CACNA2D4: variants seen among roughly 807,000 people sequenced by gnomAD.
CACNA2D4 encodes calcium voltage-gated channel auxiliary subunit alpha2delta 4.
CACNA2D4 carries 157 observed loss-of-function variants against 163.8 expected under a neutral mutation model. The ratio of observed to expected loss-of-function variants is 0.96; its 90% CI spans 0.84 to 1.09. The LOEUF (loss-of-function observed/expected upper bound fraction) is 1.09, where lower values mean the gene tolerates loss of function less well. Ranked by LOEUF, CACNA2D4 falls within the 50% of genes least tolerant of loss-of-function variation. The pLI is 0.00. For missense variants in CACNA2D4, 1,410 were observed against 1,479.9 expected (o/e 0.95, Z 0.78); for synonymous variants, 598 against 586.9 (o/e 1.02, Z -0.27).
chr12:1,803,883 C>T (rs1178813115), intron 29 of CACNA2D4, among the ~76,000 whole-genome samples: 5 of 152,160 alleles, frequency 3.3e-5, no homozygotes, highest in South Asian at 2.1e-4. Context: ...GCACCTCCTA[C>T]GGTGGTGGAA....
chr12:1,886,153 G>A (rs1866138075), intron 8 of CACNA2D4, 70 bp downstream of exon 8: 1 of 1,581,274 alleles, frequency 6.3e-7, no homozygotes, highest in Non-Finnish European at 8.7e-7. Flanking sequence ...GGGGTTGTGG[G>A]TCACCTTGGT....
intron 23 of CACNA2D4, among the ~76,000 whole-genome samples, chr12:1,850,161 C>T (rs1007569931): frequency 9.2e-5 from 14 of 152,268 alleles, no homozygotes; most frequent in African/African-American, 2.6e-4. Flanking sequence ...TTCCCCTCGA[C>T]GGGGTTTGAA....
At chr12:1,877,923 C>T (rs1011274117) in intron 16 of CACNA2D4, among the ~76,000 whole-genome samples, 1 of 152,216 alleles carries the variant, frequency 6.6e-6, no homozygotes, top group African/African-American at 2.4e-5. Context: ...CTCAGGAATG[C>T]ATCCTAAGGT....
chr12:1,889,195 T>C (rs1221575627), intron 6 of CACNA2D4, among the ~76,000 whole-genome samples: 1 of 152,248 alleles, frequency 6.6e-6, no homozygotes, highest in Non-Finnish European at 1.5e-5. Flanking sequence ...AAGCAGTTTA[T>C]ACTGAAGTCC....
rs1592705643 is a variant in CACNA2D4 at position 1,844,019 on chromosome 12, T to A, written c.2470+383A>T. Among the ~76,000 whole-genome samples the A allele has an allele frequency of 6.6e-6, 1 of 152,190 alleles. No individual in the cohort carries two copies. The highest frequency in any genetic ancestry group is 2.4e-5 in the African/African-American group (1 of 41,456). ...ACTTAGTGAGTACTGCAGCCCCTAA[T>A]GAAACCACCCGTCTGGGTGGTTTAT... On this transcript the variant is annotated intron_variant, in intron 25 of 37. Transcript: ENST00000382722. The surrounding 1 kb of genome is among the most constrained non-coding windows in gnomAD (Gnocchi z 4.2).
chr12:1,828,247 CG>C lies in CACNA2D4; in HGVS notation c.2551+12491del. The C allele has an allele frequency of 7.6e-7, 1 of 1,315,306 alleles. No individual in the cohort carries two copies. Among genetic ancestry groups the C allele is most frequent in the South Asian group, 1.3e-5 (1 of 76,694 alleles). 81.5% of individuals were successfully genotyped at this position (1,315,306 alleles called of 1,614,324 possible). A position where few individuals can be genotyped will look rare whatever the true frequency, so the allele number is the denominator to read the frequency against. ...ACACCCCTGGCCTCGGAGGGGGGTGCGGGTTGGGTGGGGGTGCCGAGGTGAC... is the reference window on the plus strand; with the variant it reads ...ACACCCCTGGCCTCGGAGGGGGGTGCGGTTGGGTGGGGGTGCCGAGGTGAC... On this transcript the variant is annotated intron_variant, in intron 26 of 37. Transcript: ENST00000382722. This position sits in a 1 kb window ranked among gnomAD's most constrained non-coding sequence, Gnocchi z 4.2.
rs781499293 is a variant in CACNA2D4 at position 1,918,439 on chromosome 12, G to A, written c.35C>T (p.Pro12Leu). The A allele has an allele frequency of 1.3e-6, 2 of 1,583,654 alleles. No individual in the cohort carries two copies. The highest frequency in any genetic ancestry group is 2.3e-5 in the South Asian group (2 of 86,810). ...TGCAGGCATGGTGGGCCTGGGGTTGGGGAGGGGAAGGAGGGCAGAGCAGCC... is the reference window on the plus strand; with the variant it reads ...TGCAGGCATGGTGGGCCTGGGGTTGAGGAGGGGAAGGAGGGCAGAGCAGCC... ...VCGCSALLPLPNPRPTMPATP... is the reference protein window; with the variant it reads ...VCGCSALLPLLNPRPTMPATP... Residue 12 changes from proline to leucine, a missense_variant, in exon 1 of 38, where the codon CCC (proline) becomes CTC (leucine). Physicochemically the swap from Pro to Leu is moderately conservative, Grantham distance 98. Coordinates refer to ENST00000382722, the MANE Select transcript of CACNA2D4 (RefSeq NM_172364.5).
intron 18 of CACNA2D4, among the ~76,000 whole-genome samples, chr12:1,870,659 C>A (rs1333404956): frequency 6.6e-6 from 1 of 151,822 alleles, no homozygotes; most frequent in Non-Finnish European, 1.5e-5. Context: ...TAATTGTTAT[C>A]TGCTGAAGGG....
intron 18 of CACNA2D4, 47 bp from the exon 19 acceptor site, chr12:1,860,253 C>A (rs181069562): frequency 1.3e-6 from 2 of 1,490,264 alleles, no homozygotes; most frequent in East Asian, 2.3e-5. Flanking sequence ...GAAGAGCGGC[C>A]CCCAGCCCCC....
Position 1,834,843 on chromosome 12 carries a change from C to A in CACNA2D4, c.2551+5896G>T, listed in dbSNP as rs528356465. On this transcript the variant is annotated intron_variant, in intron 26 of 37. Coordinates refer to ENST00000382722, the MANE Select transcript of CACNA2D4 (RefSeq NM_172364.5). The surrounding 1 kb of genome is among the most constrained non-coding windows in gnomAD (Gnocchi z 7.6). The stretch of plus-strand genomic sequence containing the variant: ...CCCCGAGTCCACCCTCCTCCCCGCC[C>A]TCCAGCAGACAAGCCACACCGGGTT... 75 of 1,430,702 alleles carry A rather than the reference C, an allele frequency of 5.2e-5. No homozygotes were observed. In the African/African-American group the frequency reaches 1.1e-3, roughly 20 times the overall value. 88.6% of individuals were successfully genotyped at this position (1,430,702 alleles called of 1,614,324 possible). A position where few individuals can be genotyped will look rare whatever the true frequency, so the allele number is the denominator to read the frequency against.
In CACNA2D4 at chr12:1,917,141, C is replaced by A. The variant is rs78625651; in HGVS notation, c.227+1106G>T. ...GCTGACAGGAGTTCAAATCCCAGCA[C>A]CTTCACTTCCTGGCCTTGTGAACTT... On this transcript the variant is annotated intron_variant, in intron 1 of 37. Coordinates refer to ENST00000382722, the MANE Select transcript of CACNA2D4 (RefSeq NM_172364.5). The surrounding 1 kb of genome is among the most constrained non-coding windows in gnomAD (Gnocchi z 4.3). Among the ~76,000 whole-genome samples, 1 of 152,282 alleles carries A rather than the reference C, an allele frequency of 6.6e-6. No homozygotes were observed. Among genetic ancestry groups the A allele is most frequent in the East Asian group, 1.9e-4 (1 of 5,186 alleles).
chr12:1,855,136 A>G (rs2059619715), intron 22 of CACNA2D4, among the ~76,000 whole-genome samples: 1 of 152,164 alleles, frequency 6.6e-6, no homozygotes, highest in Non-Finnish European at 1.5e-5. Context: ...ATATCTATAT[A>G]TGTAGGCTTA....
chr12:1,839,243 G>A (rs1565703645), intron 26 of CACNA2D4, among the ~76,000 whole-genome samples: 1 of 152,344 alleles, frequency 6.6e-6, no homozygotes, highest in Admixed American at 6.5e-5. Flanking sequence ...TGCCAGCTGC[G>A]TTCACGGAGC....
At chr12:1,827,924 G>A (rs964828299) in intron 26 of CACNA2D4, 7 of 411,284 alleles carry the variant, frequency 1.7e-5, no homozygotes, top group Non-Finnish European at 2.6e-5. Flanking sequence ...AGGCTTCCTG[G>A]CTCCTCTTCT....
chr12:1,883,058 C>T lies in CACNA2D4; in HGVS notation c.1352-58G>A, dbSNP rs1866045512. On this transcript the variant is annotated intron_variant, in intron 12 of 37. Transcript: ENST00000382722. This position sits in a 1 kb window ranked among gnomAD's most constrained non-coding sequence, Gnocchi z 4.5. ...GCAGGGCTTCCCTGGGAACCCCTCG[C>T]CAGGGCCTGCACCCTCCCCAGCTGC... 1 of 1,556,548 alleles carries T rather than the reference C, an allele frequency of 6.4e-7. No homozygotes were observed. The highest frequency in any genetic ancestry group is 8.7e-7 in the Non-Finnish European group (1 of 1,148,520).
intron 34 of CACNA2D4, 195 bp from the exon 35 acceptor site, chr12:1,797,730 G>T (rs1863177366): frequency 4.9e-6 from 3 of 618,246 alleles, no homozygotes; most frequent in Non-Finnish European, 5.8e-6. Flanking sequence ...TCTGGAGAGG[G>T]TGGCTTGGCA....
At chr12:1,811,207 CAG>C (rs1863695694) in intron 27 of CACNA2D4, among the ~76,000 whole-genome samples, 1 of 152,154 alleles carries the variant, frequency 6.6e-6, no homozygotes, top group Non-Finnish European at 1.5e-5. Flanking sequence ...GGGGGCAGCT[CAG>C]AAGCCCAGAG....
intron 26 of CACNA2D4, among the ~76,000 whole-genome samples, chr12:1,839,133 G>A (rs748380265): frequency 1.3e-5 from 2 of 152,136 alleles, no homozygotes; most frequent in Non-Finnish European, 2.9e-5. Flanking sequence ...GAGCCCAGCC[G>A]GCTCCTTTGC....
chr12:1,837,049 G>A (rs1230595695), intron 26 of CACNA2D4, among the ~76,000 whole-genome samples: 1 of 152,160 alleles, frequency 6.6e-6, no homozygotes, highest in Non-Finnish European at 1.5e-5. Flanking sequence ...GAGCCTCAGG[G>A]CAGCTTCTCT....
Sources: allele counts gnomAD v4.1 joint callset (sites outside exome capture counted in the v4.1 genomes callset), GRCh38; gene constraint gnomAD v4.1.1; non-coding constraint Gnocchi (gnomAD v3.1); transcripts MANE v1.5; gene names NCBI Gene and HGNC (gene_info 2026-07-23, HGNC 2026-07-21).